WWOX: variants seen among roughly 807,000 people sequenced by gnomAD.
WWOX encodes the protein WW domain-containing oxidoreductase.
Under a neutral mutation model 46.2 loss-of-function variants are expected in WWOX, and 69 were observed. The observed-to-expected ratio is 1.49, with a 90% CI of 1.23 to 1.82. The LOEUF is 1.82. Among genes scored for constraint, WWOX ranks in the 40% most tolerant of loss-of-function variants. The probability of loss-of-function intolerance (pLI) is 0.00; values close to 1 mark genes in which losing one functional copy is unlikely to be tolerated. For synonymous variants in WWOX, 359 were observed against 202.6 expected (o/e 1.77, Z -6.56); for missense variants, 919 against 542.6 (o/e 1.69, Z -6.89).
intron 8 of WWOX, among the ~76,000 whole-genome samples, chr16:79,008,131 G>C (rs183337705): frequency 6.6e-6 from 1 of 152,272 alleles, no homozygotes; most frequent in East Asian, 1.9e-4. Context: ...TCTTGTAACT[G>C]TAGGACTGAG....
At chr16:78,160,207 A>G (rs911042770) in intron 4 of WWOX, among the ~76,000 whole-genome samples, 2 of 151,562 alleles carry the variant, frequency 1.3e-5, no homozygotes, top group African/African-American at 4.9e-5. Context: ...TTTTGGAGCA[A>G]GATCTCACTC....
At chr16:78,458,120 C>G (rs1346775478) in intron 8 of WWOX, among the ~76,000 whole-genome samples, 4 of 151,824 alleles carry the variant, frequency 2.6e-5, no homozygotes. Flanking sequence ...AGTTCGTATC[C>G]CCTTGTTTCT....
In WWOX at chr16:78,379,399, T is replaced by C. The variant is rs375725029; in HGVS notation, c.517-7461T>C. Among the ~76,000 whole-genome samples the C allele has an allele frequency of 6.6e-5, 10 of 152,258 alleles. No individual in the cohort carries two copies. In the East Asian group the frequency reaches 7.7e-4, roughly 12 times the overall value. On this transcript the variant is annotated intron_variant, in intron 5 of 8. Coordinates refer to ENST00000566780, the MANE Select transcript of WWOX (RefSeq NM_016373.4). The stretch of plus-strand genomic sequence containing the variant: ...CAGTTAAAAGAGAATTTCCTCCAGA[T>C]ACAATGGAGGCCACGTTCAACACAG...
intron 8 of WWOX, among the ~76,000 whole-genome samples, chr16:78,649,657 A>G (rs1393114554): frequency 6.6e-6 from 1 of 152,088 alleles, no homozygotes; most frequent in Non-Finnish European, 1.5e-5. Context: ...TCTGTCCTTT[A>G]CTTATGACTC....
chr16:78,799,653 G>C (rs1289366083), intron 8 of WWOX, among the ~76,000 whole-genome samples: 1 of 152,074 alleles, frequency 6.6e-6, no homozygotes, highest in Non-Finnish European at 1.5e-5. Flanking sequence ...CTCATGTTCT[G>C]TGGCACTTTG....
At chr16:78,875,226 G>A (rs1287829583) in intron 8 of WWOX, among the ~76,000 whole-genome samples, 5 of 152,112 alleles carry the variant, frequency 3.3e-5, no homozygotes, top group East Asian at 1.9e-4. Context: ...AAATTTCAGT[G>A]TTGGATGTTC....
intron 8 of WWOX, among the ~76,000 whole-genome samples, chr16:78,547,520 A>G (rs2044069715): frequency 6.6e-6 from 1 of 152,182 alleles, no homozygotes; most frequent in Non-Finnish European, 1.5e-5. Flanking sequence ...CTTCTCATTC[A>G]TTAGGCCATC....
intron 8 of WWOX, among the ~76,000 whole-genome samples, chr16:79,208,171 G>A (rs773081359): frequency 6.6e-6 from 1 of 152,186 alleles, no homozygotes. Flanking sequence ...TGATTGCACA[G>A]TTCTCCTCTG....
At chr16:78,731,307 C>G (rs531577800) in intron 8 of WWOX, among the ~76,000 whole-genome samples, 4 of 152,268 alleles carry the variant, frequency 2.6e-5, no homozygotes, top group African/African-American at 9.6e-5. Flanking sequence ...TCACATGAAG[C>G]TGCCAATTCC....
intron 8 of WWOX, among the ~76,000 whole-genome samples, chr16:78,476,537 A>G (rs1424150592): frequency 1.3e-5 from 2 of 152,102 alleles, no homozygotes; most frequent in African/African-American, 2.4e-5. Flanking sequence ...GCACACCAAC[A>G]CAGCACATGT....
At chr16:78,296,413 A>G (rs1358892381) in intron 5 of WWOX, among the ~76,000 whole-genome samples, 3 of 151,950 alleles carry the variant, frequency 2.0e-5, no homozygotes, top group Non-Finnish European at 4.4e-5. Flanking sequence ...AAGGGCTCAA[A>G]GGTAATTTCA....
At chr16:78,803,330 A>G (rs567208496) in intron 8 of WWOX, among the ~76,000 whole-genome samples, 2 of 152,056 alleles carry the variant, frequency 1.3e-5, no homozygotes, top group African/African-American at 4.8e-5. Context: ...CAGAAAGTCT[A>G]TAGTCAAATT....
At chr16:79,124,034 A>T (rs1388756380) in intron 8 of WWOX, among the ~76,000 whole-genome samples, 1 of 152,174 alleles carries the variant, frequency 6.6e-6, no homozygotes, top group East Asian at 1.9e-4. Flanking sequence ...TGATTGTCTT[A>T]TTAAATAATT....
chr16:79,053,281 T>C (rs2048203734), intron 8 of WWOX, among the ~76,000 whole-genome samples: 1 of 152,210 alleles, frequency 6.6e-6, no homozygotes, highest in Non-Finnish European at 1.5e-5. Context: ...TAAATTTATT[T>C]TGAGATTTAA....
intron 8 of WWOX, among the ~76,000 whole-genome samples, chr16:78,524,982 C>G (rs2043429420): frequency 6.7e-6 from 1 of 148,604 alleles, no homozygotes; most frequent in African/African-American, 2.5e-5. Context: ...CTTCGTGTTT[C>G]AGCCTCCTGA....
At chr16:78,607,426 G>C (rs918906368) in intron 8 of WWOX, among the ~76,000 whole-genome samples, 3 of 152,098 alleles carry the variant, frequency 2.0e-5, no homozygotes, top group Admixed American at 6.6e-5. Context: ...GCATATATTT[G>C]TCCAATGATA....
chr16:78,951,598 C>T (rs543312497), intron 8 of WWOX, among the ~76,000 whole-genome samples: 1 of 152,224 alleles, frequency 6.6e-6, no homozygotes, highest in Non-Finnish European at 1.5e-5. Context: ...AGCAGCTATA[C>T]TGCTCCATCA....
chr16:78,690,326 C>G (rs4888823), intron 8 of WWOX, among the ~76,000 whole-genome samples: 102,582 of 152,012 alleles, frequency 0.67, 35,445 homozygotes, highest in South Asian at 0.75. Context: ...TGAGTCAGAA[C>G]GATTGCTTGA....
rs548409511 is a variant in WWOX at position 78,343,402 on chromosome 16, A to T, written c.517-43458A>T. Among the ~76,000 whole-genome samples, 10 of 120,706 alleles carry T rather than the reference A, an allele frequency of 8.3e-5. 4 individuals carry two copies. Among genetic ancestry groups the T allele is most frequent in the African/African-American group, 2.8e-4 (10 of 35,630 alleles). 79.2% of individuals were successfully genotyped at this position (120,706 alleles called of 152,430 possible). A position where few individuals can be genotyped will look rare whatever the true frequency, so the allele number is the denominator to read the frequency against. On this transcript the variant is annotated intron_variant, in intron 5 of 8. Coordinates refer to ENST00000566780, the MANE Select transcript of WWOX (RefSeq NM_016373.4). ...TCATGCTTCCATTTCCATATTCTCA[A>T]TCAATCACTGATGGCCAGCTGTCAA... is the stretch of plus-strand genomic sequence containing the variant.
Sources: gnomAD v4.1 joint callset for allele counts (sites outside exome capture counted in the v4.1 genomes callset) on GRCh38, gnomAD v4.1.1 for gene constraint, MANE v1.5 for transcripts, NCBI Gene and HGNC (gene_info 2026-07-23, HGNC 2026-07-21) for gene names.